CMSS1: variants seen among roughly 807,000 people sequenced by gnomAD.
CMSS1 encodes the protein cms1 ribosomal small subunit homolog, also known as protein CMSS1.
CMSS1 carries 33 observed loss-of-function variants against 43.5 expected under a neutral mutation model. That is an observed-to-expected ratio of 0.76 (90% CI 0.57 to 1.01). The LOEUF is 1.01. Among genes scored for constraint, CMSS1 ranks in the 50% least tolerant of loss-of-function variants. The probability of loss-of-function intolerance (pLI) is 0.00; values close to 1 mark genes in which losing one functional copy is unlikely to be tolerated. For missense variants in CMSS1, 313 were observed against 326.4 expected (o/e 0.96, Z 0.32); for synonymous variants, 115 against 117.2 (o/e 0.98, Z 0.12).
chr3:100,145,632 C>T (rs886791187), intron 1 of CMSS1, among the ~76,000 whole-genome samples: 2 of 152,132 alleles, frequency 1.3e-5, no homozygotes, highest in Non-Finnish European at 2.9e-5. Context: ...TAGTTTAGTT[C>T]TAGTCCTAGT....
chr3:99,853,533 G>A (rs1420268374), intron 1 of CMSS1, among the ~76,000 whole-genome samples: 3 of 152,166 alleles, frequency 2.0e-5, no homozygotes, highest in Non-Finnish European at 1.5e-5. Flanking sequence ...TGCAAAAAAG[G>A]TTTAGAAAAA....
At position 100,015,264 on chromosome 3, in the gene CMSS1, A is replaced by T. The variant is rs756778177; in HGVS notation, c.65-131709A>T. On this transcript the variant is annotated intron_variant, in intron 1 of 9. Coordinates refer to ENST00000421999, the MANE Select transcript of CMSS1 (RefSeq NM_032359.4). ...TCCCTTGGATTATATGTTTGTTTTC[A>T]TGACAGTACCATGCTGTTTTGATTA... Among the ~76,000 whole-genome samples, 7 of 152,016 alleles carry T rather than the reference A, an allele frequency of 4.6e-5. No homozygotes were observed. In the East Asian group the frequency reaches 7.7e-4, roughly 17 times the overall value.
chr3:99,856,233 T>C (rs1943959011), intron 1 of CMSS1, among the ~76,000 whole-genome samples: 2 of 152,232 alleles, frequency 1.3e-5, no homozygotes, highest in South Asian at 4.1e-4. Context: ...ATGCACTTGA[T>C]AAGAGTTTGC....
At chr3:100,147,708 G>T (rs1292476240) in intron 2 of CMSS1, among the ~76,000 whole-genome samples, 1 of 152,156 alleles carries the variant, frequency 6.6e-6, no homozygotes, top group African/African-American at 2.4e-5. Context: ...AGATAGAGAA[G>T]GTTATCACAC....
intron 1 of CMSS1, among the ~76,000 whole-genome samples, chr3:99,984,171 T>A (rs1709263221): frequency 6.6e-6 from 1 of 152,078 alleles, no homozygotes; most frequent in South Asian, 2.1e-4. Flanking sequence ...TAAGCAGAAT[T>A]TTTAAAAAGT....
chr3:99,885,672 T>C (rs1271201592), intron 1 of CMSS1, among the ~76,000 whole-genome samples: 4 of 152,232 alleles, frequency 2.6e-5, no homozygotes, highest in African/African-American at 7.2e-5. Context: ...TTTGTCTATA[T>C]ATCTCTGTCA....
intron 1 of CMSS1, among the ~76,000 whole-genome samples, chr3:100,140,352 C>G (rs528161927): frequency 1.3e-5 from 2 of 152,064 alleles, no homozygotes; most frequent in South Asian, 4.2e-4. Context: ...CCCAGAAGTC[C>G]CCCACTTCCA....
At chr3:100,014,859 T>A (rs1710276222) in intron 1 of CMSS1, among the ~76,000 whole-genome samples, 1 of 149,268 alleles carries the variant, frequency 6.7e-6, no homozygotes, top group Non-Finnish European at 1.5e-5. Flanking sequence ...GCAACACCAT[T>A]TGTCTTTTTC....
Sources: gnomAD v4.1 joint callset for allele counts (sites outside exome capture counted in the v4.1 genomes callset) on GRCh38, gnomAD v4.1.1 for gene constraint, MANE v1.5 for transcripts, NCBI Gene and HGNC (gene_info 2026-07-23, HGNC 2026-07-21) for gene names.